Variants in ZFYVE28 observed in about 807,000 individuals in gnomAD.
The protein encoded by ZFYVE28 is zinc finger FYVE-type containing 28.
Under a neutral mutation model 82.1 loss-of-function variants are expected in ZFYVE28, and 40 were observed. The observed-to-expected ratio is 0.49, with a 90% CI of 0.38 to 0.63. The LOEUF is 0.63. Among genes scored for constraint, ZFYVE28 ranks in the 30% least tolerant of loss-of-function variants. ZFYVE28 has a pLI of 0.00. For synonymous variants in ZFYVE28, 612 were observed against 546.1 expected, an observed-to-expected ratio of 1.12 and a Z score of -1.68; for missense variants, 1,321 against 1,242.1, an observed-to-expected ratio of 1.06 and a Z score of -0.96.
chr4:2,361,587 C>G (rs1045404826), intron 1 of ZFYVE28, among the ~76,000 whole-genome samples: 1 of 152,208 alleles, frequency 6.6e-6, no homozygotes, highest in Non-Finnish European at 1.5e-5. Context: ...GGGCTCCAAG[C>G]CCTGCACAGG....
intron 6 of ZFYVE28, among the ~76,000 whole-genome samples, chr4:2,333,166 C>T (rs1169481911): frequency 6.7e-6 from 1 of 150,278 alleles, no homozygotes; most frequent in Non-Finnish European, 1.5e-5. Context: ...CCCTCCCCAA[C>T]CTCCCTCCCT....
chr4:2,357,245 C>T (rs80275980), intron 1 of ZFYVE28, among the ~76,000 whole-genome samples: 5,074 of 152,298 alleles, frequency 0.033, 110 homozygotes, highest in East Asian at 0.047. Context: ...CCAGCTTCCC[C>T]TCCCCTAGAA....
At chr4:2,314,226 T>C (rs1385080221) in intron 7 of ZFYVE28, among the ~76,000 whole-genome samples, 1 of 152,236 alleles carries the variant, frequency 6.6e-6, no homozygotes, top group Non-Finnish European at 1.5e-5. Context: ...ACAACTTTCT[T>C]TGGGTGGTGT....
chr4:2,407,372 G>A (rs1032641237), intron 1 of ZFYVE28, among the ~76,000 whole-genome samples: 1 of 151,926 alleles, frequency 6.6e-6, no homozygotes, highest in Non-Finnish European at 1.5e-5. Context: ...TATTCAGCCA[G>A]TCCAGCAGAG....
chr4:2,305,601 A>C lies in ZFYVE28; in HGVS notation c.804-65T>G, dbSNP rs542691057. On this transcript the variant is annotated intron_variant, in intron 7 of 12. Transcript: ENST00000290974. The stretch of plus-strand genomic sequence containing the variant: ...AGCCACACCAGCCTCCTTGGCCAGG[A>C]GTGGACGCAGCACCCTGGAGTCTGC... The C allele has an allele frequency of 1.5e-5, 24 of 1,589,284 alleles. No individual in the cohort carries two copies. The East Asian group carries it at 5.4e-4, about 36-fold the overall frequency.
chr4:2,301,966 A>C (rs1381959080), intron 8 of ZFYVE28, among the ~76,000 whole-genome samples: 1 of 152,214 alleles, frequency 6.6e-6, no homozygotes, highest in Non-Finnish European at 1.5e-5. Flanking sequence ...AAACAAGCCC[A>C]AGCCAGCACT....
chr4:2,372,596 G>A lies in ZFYVE28; in HGVS notation c.40-18523C>T, dbSNP rs1486959744. ...AGAGGTGCGGGCAGGCAGGGGTGCT[G>A]GGGTTCTGAACAGGGCCTGGATTCT... is the stretch of plus-strand genomic sequence containing the variant. On this transcript the variant is annotated intron_variant, in intron 1 of 12. Coordinates refer to ENST00000290974, the MANE Select transcript of ZFYVE28 (RefSeq NM_020972.3). The surrounding 1 kb of genome is among the most constrained non-coding windows in gnomAD (Gnocchi z 5.2). Among the ~76,000 whole-genome samples the A allele has an allele frequency of 6.6e-6, 1 of 152,170 alleles. No homozygotes were observed. Among genetic ancestry groups the A allele is most frequent in the Non-Finnish European group, 1.5e-5 (1 of 68,014 alleles).
chr4:2,340,292 T>C (rs904321756), intron 3 of ZFYVE28, among the ~76,000 whole-genome samples: 6 of 152,108 alleles, frequency 3.9e-5, no homozygotes, highest in African/African-American at 1.4e-4. Context: ...AATCCACCCA[T>C]GTCTGCCCTG....
chr4:2,298,517 G>A (rs549402897), intron 8 of ZFYVE28, among the ~76,000 whole-genome samples: 9 of 152,152 alleles, frequency 5.9e-5, no homozygotes, highest in Non-Finnish European at 1.0e-4. Context: ...GCCAAGTTCC[G>A]GAAGGAAGGC....
chr4:2,415,405 C>T (rs1732926187), intron 1 of ZFYVE28, among the ~76,000 whole-genome samples: 1 of 151,246 alleles, frequency 6.6e-6, no homozygotes, highest in South Asian at 2.1e-4. Flanking sequence ...TTGCTTGAGG[C>T]CAGGAATTTG....
intron 1 of ZFYVE28, among the ~76,000 whole-genome samples, chr4:2,354,454 T>A (rs898105422): frequency 1.2e-5 from 1 of 84,060 alleles, no homozygotes; most frequent in African/African-American, 8.6e-5. Flanking sequence ...TCTCAGGAAA[T>A]TTTTTTTTTT....
At chr4:2,342,006 A>C (rs1398926104) in intron 2 of ZFYVE28, among the ~76,000 whole-genome samples, 1 of 152,184 alleles carries the variant, frequency 6.6e-6, no homozygotes, top group East Asian at 1.9e-4. Context: ...GGCAATAAAG[A>C]GCAGCAACCG....
intron 8 of ZFYVE28, among the ~76,000 whole-genome samples, chr4:2,277,435 G>A (rs1475734140): frequency 6.6e-6 from 1 of 152,084 alleles, no homozygotes; most frequent in African/African-American, 2.4e-5. Context: ...AGCTGAGATC[G>A]TGCCACTGCA....
chr4:2,318,284 G>A (rs1718519308), intron 7 of ZFYVE28, among the ~76,000 whole-genome samples: 2 of 152,156 alleles, frequency 1.3e-5, no homozygotes, highest in Non-Finnish European at 1.5e-5. Context: ...TTGGCTGGTC[G>A]CAGTGGCTCA....
Position 2,362,251 on chromosome 4 carries a change from ACCG to A in ZFYVE28, c.40-8181_40-8179del, listed in dbSNP as rs1726264530. ...GGGGTGAGGACCAGGTGTCTGAGGC[ACCG>A]CCTGGGCCTCTCCAGGGCCAGCTTT... On this transcript the variant is annotated intron_variant, in intron 1 of 12. Coordinates refer to ENST00000290974, the MANE Select transcript of ZFYVE28 (RefSeq NM_020972.3). The surrounding 1 kb of genome is among the most constrained non-coding windows in gnomAD (Gnocchi z 5.1). Among the ~76,000 whole-genome samples, 1 of 152,064 alleles carries A rather than the reference ACCG, an allele frequency of 6.6e-6. No individual in the cohort carries two copies. The highest frequency in any genetic ancestry group is 2.1e-4 in the South Asian group (1 of 4,822).
rs1319699971 is a variant in ZFYVE28, at chr4:2,300,109, GT to G, written c.2051+4179del. ...ACCAGACCCAGACTTTCCTTCTTAT[GT>G]TTTCCAAAGTTTCTACAATGAACAG... is the stretch of plus-strand genomic sequence containing the variant. On this transcript the variant is annotated intron_variant, in intron 8 of 12. Coordinates refer to ENST00000290974, the MANE Select transcript of ZFYVE28 (RefSeq NM_020972.3). The surrounding 1 kb of genome is among the most constrained non-coding windows in gnomAD (Gnocchi z 4.6). Among the ~76,000 whole-genome samples the G allele has an allele frequency of 6.6e-6, 1 of 152,156 alleles. No homozygotes were observed. The highest frequency in any genetic ancestry group is 1.9e-4 in the East Asian group (1 of 5,196).
chr4:2,373,859 A>G (rs1727829847), intron 1 of ZFYVE28, among the ~76,000 whole-genome samples: 1 of 152,176 alleles, frequency 6.6e-6, no homozygotes, highest in South Asian at 2.1e-4. Context: ...TCAAAACCCA[A>G]AAAGTAGGGG....
intron 8 of ZFYVE28, among the ~76,000 whole-genome samples, chr4:2,278,939 CT>C (rs1275883310): frequency 6.7e-5 from 8 of 118,654 alleles, no homozygotes; most frequent in East Asian, 6.0e-4. Context: ...TCCCCCCCCC[CT>C]CAAAAAAAAA....
intron 1 of ZFYVE28, among the ~76,000 whole-genome samples, chr4:2,382,600 A>G (rs1373530453): frequency 6.6e-6 from 1 of 152,114 alleles, no homozygotes; most frequent in East Asian, 1.9e-4. Context: ...TGTACCCAAT[A>G]CCTGTACCCC....
Sources: allele counts gnomAD v4.1 joint callset (sites outside exome capture counted in the v4.1 genomes callset), GRCh38; gene constraint gnomAD v4.1.1; non-coding constraint Gnocchi (gnomAD v3.1); transcripts MANE v1.5; gene names NCBI Gene and HGNC (gene_info 2026-07-23, HGNC 2026-07-21).